Variants in TSC2 observed in about 807,000 individuals in gnomAD.
The protein encoded by TSC2 is tuberin.
In TSC2, 29 loss-of-function variants were observed where a neutral mutation model predicts 202.2. The observed-to-expected ratio is 0.14, with a 90% confidence interval of 0.11 to 0.20. The LOEUF (loss-of-function observed/expected upper bound fraction) is 0.20. TSC2 is among the 10% of genes least tolerant of loss of function. TSC2 has a pLI of 1.00. For missense variants in TSC2, 2,429 were observed against 2,420.0 expected (o/e 1.00, Z -0.08); for synonymous variants, 1,349 against 1,044.0 (o/e 1.29, Z -5.63).
rs45517314 is a variant in TSC2, at chr16:2,082,437, G to A, written c.3816G>A (p.Val1272=). 3.0e-5 allele frequency: 48 copies of A among 1,612,412 alleles called. No homozygotes were observed. The highest frequency in any genetic ancestry group is 3.9e-5 in the Non-Finnish European group (46 of 1,180,000). The part of the protein sequence containing the change: ...KPPPLPRSNT[V]ASFSSLYQSS... The stretch of plus-strand genomic sequence containing the variant: ...GCCGCACACGGCCTTCCCTTGCAGT[G>A]GCCTCTTTCTCCTCCCTGTACCAGT... Residue 1272 remains valine, a splice_region_variant and synonymous_variant, in exon 32 of 42, where the codon GTG becomes GTA. Transcript: ENST00000219476.
intron 19 of TSC2, 23 bp downstream of exon 19, chr16:2,071,957 C>A (rs947205878): frequency 6.4e-7 from 1 of 1,556,316 alleles, no homozygotes; most frequent in Non-Finnish European, 8.7e-7. Flanking sequence ...GGGCAGGGAC[C>A]ATCCGTCCCA....
At chr16:2,084,107 C>T (rs994259804) in intron 33 of TSC2, 121 bp from the exon 34 acceptor site, 4 of 1,518,958 alleles carry the variant, frequency 2.6e-6, no homozygotes, top group East Asian at 4.9e-5. Context: ...TAGCCTGGTG[C>T]TCGGGCTGGT....
chr16:2,085,461 C>T (rs2090658136), intron 36 of TSC2, 139 bp downstream of exon 36: 1 of 946,908 alleles, frequency 1.1e-6, no homozygotes, highest in Non-Finnish European at 1.6e-6. Flanking sequence ...GCTCATTGAG[C>T]TCTGTGCCAG....
Position 2,088,336 on chromosome 16 carries a change from T to C in TSC2, c.5259+11T>C, listed in dbSNP as rs2091156218. 6.2e-7 allele frequency: 1 copy of C among 1,612,520 alleles called. No homozygotes were observed. The highest frequency in any genetic ancestry group is 8.5e-7 in the Non-Finnish European group (1 of 1,179,984). On this transcript the variant is annotated intron_variant, in intron 41 of 41. Coordinates refer to ENST00000219476, the MANE Select transcript of TSC2 (RefSeq NM_000548.5). ...CGGCTCCGCCAGCGGGTAGGGAATA[T>C]GGGGCTCCCTCAGCGGGGTGTGCTG...
At position 2,058,630 on chromosome 16, in the gene TSC2, C is replaced by G. The variant is rs556894195; in HGVS notation, c.849-117C>G. On this transcript the variant is annotated intron_variant, in intron 9 of 41. Transcript: ENST00000219476. Reference sequence around the variant, plus strand: ...CCCTTCCCCAGCGGTGCTCCTGCCCCCCCCAAGCACAGGGACCTCTGGGGC... The same window carrying G: ...CCCTTCCCCAGCGGTGCTCCTGCCCGCCCCAAGCACAGGGACCTCTGGGGC... The G allele has an allele frequency of 2.2e-5, 33 of 1,470,290 alleles. No homozygotes were observed. In the Admixed American group the frequency reaches 3.2e-4, roughly 14 times the overall value. The allele number at this position is 1,470,290 out of a possible 1,614,324, so 91.1% of individuals were successfully genotyped here.
chr16:2,055,540 C>G (rs377335730), intron 6 of TSC2, 21 bp downstream of exon 6: 38 of 1,600,378 alleles, frequency 2.4e-5, no homozygotes, highest in East Asian at 1.8e-4. Context: ...AATTGAGATC[C>G]TGTTCTGATA....
At chr16:2,071,233 CG>C (rs2088319725) in intron 17 of TSC2, among the ~76,000 whole-genome samples, 1 of 152,206 alleles carries the variant, frequency 6.6e-6, no homozygotes, top group South Asian at 2.1e-4. Flanking sequence ...AGGAGCGAGG[CG>C]CCCATCCCTT....
At chr16:2,085,782 C>T (rs1420128416) in intron 36 of TSC2, among the ~76,000 whole-genome samples, 1 of 152,226 alleles carries the variant, frequency 6.6e-6, no homozygotes, top group Non-Finnish European at 1.5e-5. Context: ...ACCTTCATCC[C>T]AAGGGAAAGG....
intron 30 of TSC2, 160 bp downstream of exon 30, chr16:2,080,537 G>C (rs1447425007): frequency 1.2e-6 from 1 of 808,714 alleles, no homozygotes; most frequent in Non-Finnish European, 1.9e-6. Flanking sequence ...ACGCTGGAAC[G>C]CAGTGGCGCA....
At chr16:2,080,859 T>G (rs1360581187) in intron 30 of TSC2, 1 of 175,610 alleles carries the variant, frequency 5.7e-6, no homozygotes. Context: ...GGCAGGGGCC[T>G]GTGGCGAACC....
chr16:2,086,093 G>C, intron 36 of TSC2, 100 bp from the exon 37 acceptor site: 1 of 1,416,506 alleles, frequency 7.1e-7, no homozygotes, highest in Admixed American at 1.8e-5. Flanking sequence ...TCAGGGATCA[G>C]AGTGGGGCTC....
At chr16:2,080,103 T>C in intron 29 of TSC2, 62 bp from the exon 30 acceptor site, 1 of 1,604,870 alleles carries the variant, frequency 6.2e-7, no homozygotes, top group South Asian at 1.1e-5. Context: ...AGCATTCAGC[T>C]TGAGGCTGGT....
rs201334685 is a variant in TSC2, at chr16:2,065,532, C to G, written c.1613C>G (p.Ser538Cys). ...LDIIEKVMAR[S>C]LSPPPELEER... ...TTCTCTTCAAAGGTGATGGCCCGCT[C>G]CCTCTCCCCACCCCCGGAGCTGGAA... The change falls in exon 16 of 42, where the codon TCC (serine) becomes TGC (cysteine). Residue 538 changes from serine (S) to cysteine (C), a missense_variant. Transcript: ENST00000219476. The G allele has an allele frequency of 1.9e-6, 3 of 1,613,756 alleles. No individual in the cohort carries two copies. The highest frequency in any genetic ancestry group is 1.3e-5 in the African/African-American group (1 of 75,008).
chr16:2,070,705 C>A (rs2088180727), intron 17 of TSC2, 127 bp downstream of exon 17: 3 of 1,475,392 alleles, frequency 2.0e-6, no homozygotes, highest in East Asian at 2.5e-5. Context: ...CGTCCCTCCT[C>A]TGCACCCACT....
Position 2,088,644 on chromosome 16 carries a change from C to T in TSC2, c.*34C>T, listed in dbSNP as rs374553302. 124 of 1,586,684 alleles carry T rather than the reference C, an allele frequency of 7.8e-5. No individual in the cohort carries two copies. The highest frequency in any genetic ancestry group is 4.0e-4 in the Admixed American group (23 of 57,814). On this transcript the variant is annotated 3_prime_UTR_variant, in exon 42 of 42. Coordinates refer to ENST00000219476, the MANE Select transcript of TSC2 (RefSeq NM_000548.5). ...CCCTCCCTCCTGCACTGGCCTTGGA[C>T]GGTATTGCCTGTCAGTGAAATAAAT...
Position 2,082,368 on chromosome 16 carries a change from G to A in TSC2, c.3815-68G>A, listed in dbSNP as rs1158770682. 7 of 1,570,664 alleles carry A rather than the reference G, an allele frequency of 4.5e-6. No individual in the cohort carries two copies. The African/African-American group carries it at 9.5e-5, about 21-fold the overall frequency. The stretch of plus-strand genomic sequence containing the variant: ...TCTCCTCTGCAGGCACGGGGCCTGT[G>A]CTCTCTGCTCGACCTGTGTGTAGCC... On this transcript the variant is annotated intron_variant, in intron 31 of 41. Transcript: ENST00000219476.
chr16:2,056,074 TGGGACCCCCA>T (rs1221755501), intron 6 of TSC2, 112 bp from the exon 7 acceptor site: 3 of 1,291,580 alleles, frequency 2.3e-6, no homozygotes, highest in Admixed American at 1.9e-5. Flanking sequence ...GTTGGGTGGG[TGGGACCCCCA>T]GGGAGGATGA....
rs369065703 is a variant in TSC2 at position 2,071,814 on chromosome 16, C to A, written c.1977C>A (p.Thr659=). 6.2e-7 allele frequency: 1 copy of A among 1,602,646 alleles called. No homozygotes were observed. The highest frequency in any genetic ancestry group is 8.5e-7 in the Non-Finnish European group (1 of 1,175,438). ...CAGAGAGAGGCTCTGAGAAGAAGACCAGCGGCCCCCTTTCTCCTCCCACAG... is the reference window on the plus strand; with the variant it reads ...CAGAGAGAGGCTCTGAGAAGAAGACAAGCGGCCCCCTTTCTCCTCCCACAG... The part of the protein sequence containing the change: ...MEPERGSEKK[T]SGPLSPPTGP... The change falls in exon 19 of 42, where the codon ACC becomes ACA. Residue 659 remains threonine (T), a synonymous_variant. Coordinates refer to ENST00000219476, the MANE Select transcript of TSC2 (RefSeq NM_000548.5).
intron 38 of TSC2, chr16:2,087,216 A>G: frequency 4.9e-6 from 2 of 404,466 alleles, no homozygotes; most frequent in South Asian, 4.2e-5. Flanking sequence ...TCAGTTGGTT[A>G]TCGCCACGCA....
Sources: gnomAD v4.1 joint callset for allele counts (sites outside exome capture counted in the v4.1 genomes callset) on GRCh38, gnomAD v4.1.1 for gene constraint, MANE v1.5 for transcripts, NCBI Gene and HGNC (gene_info 2026-07-23, HGNC 2026-07-21) for gene names.